The following PTPRM variants were observed in gnomAD, a reference collection of about 807,000 sequenced individuals.
PTPRM encodes the protein receptor-type tyrosine-protein phosphatase mu.
A neutral mutation model predicts 186.7 loss-of-function variants in PTPRM; 47 were observed. The observed-to-expected ratio is 0.25, with a 90% CI of 0.20 to 0.32. The LOEUF is 0.32. PTPRM is among the 10% of genes least tolerant of loss of function. The pLI is 1.00. For missense variants in PTPRM, 1,494 were observed against 1,865.0 expected (o/e 0.80, Z 3.66); for synonymous variants, 668 against 674.9 (o/e 0.99, Z 0.16).
chr18:8,063,656 G>T (rs889809666), intron 7 of PTPRM, among the ~76,000 whole-genome samples: 2 of 151,858 alleles, frequency 1.3e-5, no homozygotes, highest in African/African-American at 4.8e-5. Flanking sequence ...TGGATTTAGG[G>T]GTACAAGTAC....
At chr18:7,680,024 C>A (rs1486688135) in intron 1 of PTPRM, among the ~76,000 whole-genome samples, 6 of 152,030 alleles carry the variant, frequency 3.9e-5, no homozygotes, top group Non-Finnish European at 8.8e-5. Flanking sequence ...TGCCACCACA[C>A]CTGGCTAATG....
At position 8,379,172 on chromosome 18, in the gene PTPRM, A is replaced by G. The variant is rs138657062; in HGVS notation, c.3618A>G (p.Leu1206=). 6.6e-5 allele frequency: 106 copies of G among 1,600,404 alleles called. No homozygotes were observed. Among genetic ancestry groups the G allele is most frequent in the Non-Finnish European group, 8.6e-5 (101 of 1,173,016 alleles). The change falls in exon 28 of 33, where the codon CTA becomes CTG. Residue 1206 remains leucine, a synonymous_variant. Coordinates refer to ENST00000580170, the MANE Select transcript of PTPRM (RefSeq NM_001105244.2). ...SSQIKEEFRT[L]NMVTPTLRVE... is the part of the protein sequence containing the mutation. ...TCCTTTCTTTTCTCACGCAGACGCT[A>G]AACATGGTGACACCAACGCTGCGAG... is the stretch of plus-strand genomic sequence containing the variant.
chr18:7,692,949 G>C (rs888848240), intron 1 of PTPRM, among the ~76,000 whole-genome samples: 35 of 152,192 alleles, frequency 2.3e-4, no homozygotes, highest in African/African-American at 8.2e-4. Flanking sequence ...AGTTATGGAA[G>C]AATCTGAAAA....
At position 7,869,640 on chromosome 18, in the gene PTPRM, C is replaced by T. The variant is rs191520355; in HGVS notation, c.197-18466C>T. 2.5e-3 allele frequency among the ~76,000 whole-genome samples: 381 copies of T among 152,208 alleles called. 2 individuals carry two copies. Among genetic ancestry groups the T allele is most frequent in the Non-Finnish European group, 3.9e-3 (266 of 68,006 alleles). Reference sequence around the variant, plus strand: ...GCTGCAGACCGGAGTTGTTCCTGTTCGGCCATCTTGCCAGCCATCGATCAG... The same window carrying T: ...GCTGCAGACCGGAGTTGTTCCTGTTTGGCCATCTTGCCAGCCATCGATCAG... On this transcript the variant is annotated intron_variant, in intron 2 of 32. Coordinates refer to ENST00000580170, the MANE Select transcript of PTPRM (RefSeq NM_001105244.2).
intron 7 of PTPRM, among the ~76,000 whole-genome samples, chr18:8,043,349 C>T (rs1942952): frequency 0.34 from 51,546 of 151,918 alleles, 9,843 homozygotes; most frequent in Non-Finnish European, 0.43. Context: ...AACCTGAAGC[C>T]GCAGTTTTAG....
chr18:7,801,174 A>T (rs2043945353), intron 2 of PTPRM, among the ~76,000 whole-genome samples: 1 of 152,206 alleles, frequency 6.6e-6, no homozygotes, highest in African/African-American at 2.4e-5. Context: ...TTATAAATTT[A>T]TAATTTTTAA....
chr18:7,719,565 A>G (rs1330724892), intron 1 of PTPRM, among the ~76,000 whole-genome samples: 1 of 152,206 alleles, frequency 6.6e-6, no homozygotes, highest in African/African-American at 2.4e-5. Context: ...AAAATAAAAA[A>G]CACACTTAAT....
At chr18:8,313,410 AAGG>A (rs2148020170) in intron 20 of PTPRM, among the ~76,000 whole-genome samples, 1 of 152,298 alleles carries the variant, frequency 6.6e-6, no homozygotes, top group African/African-American at 2.4e-5. Context: ...ATACTTTTTA[AAGG>A]ACATATATTT....
At chr18:7,978,819 A>G (rs1160507692) in intron 7 of PTPRM, among the ~76,000 whole-genome samples, 1 of 152,202 alleles carries the variant, frequency 6.6e-6, no homozygotes, top group Non-Finnish European at 1.5e-5. Flanking sequence ...TGAGCACGTG[A>G]CAGAGTATTC....
At chr18:7,609,071 C>A (rs894668738) in intron 1 of PTPRM, among the ~76,000 whole-genome samples, 10 of 152,148 alleles carry the variant, frequency 6.6e-5, no homozygotes, top group African/African-American at 2.4e-4. Flanking sequence ...TATGTTTGTG[C>A]TATTATTAAA....
In PTPRM at chr18:8,306,236, C is replaced by T. The variant is rs539255692; in HGVS notation, c.2843-8545C>T. Among the ~76,000 whole-genome samples, 47 of 152,218 alleles carry T rather than the reference C, an allele frequency of 3.1e-4. No homozygotes were observed. The South Asian group carries it at 5.6e-3, about 18-fold the overall frequency. ...AAGGGGAACTAACTGTACTGTGTTCCAGGCACCTGATAATACTATGCATTA... is the reference window on the plus strand; with the variant it reads ...AAGGGGAACTAACTGTACTGTGTTCTAGGCACCTGATAATACTATGCATTA... On this transcript the variant is annotated intron_variant, in intron 20 of 32. Coordinates refer to ENST00000580170, the MANE Select transcript of PTPRM (RefSeq NM_001105244.2).
intron 1 of PTPRM, among the ~76,000 whole-genome samples, chr18:7,731,516 C>A (rs1414020999): frequency 6.6e-6 from 1 of 152,146 alleles, no homozygotes; most frequent in East Asian, 1.9e-4. Context: ...CTTTAGTTTG[C>A]AGCTAAGGAA....
At chr18:8,072,767 G>A (rs1353758766) in intron 8 of PTPRM, among the ~76,000 whole-genome samples, 3 of 151,938 alleles carry the variant, frequency 2.0e-5, no homozygotes, top group Non-Finnish European at 4.4e-5. Flanking sequence ...TACAGCCCAG[G>A]GATAAGTTGT....
intron 2 of PTPRM, among the ~76,000 whole-genome samples, chr18:7,843,432 A>G (rs1453345701): frequency 6.6e-6 from 1 of 152,150 alleles, no homozygotes; most frequent in East Asian, 1.9e-4. Flanking sequence ...AATTGCCCTT[A>G]TAGATAGTTT....
At chr18:7,913,694 T>C (rs1331872359) in intron 4 of PTPRM, among the ~76,000 whole-genome samples, 6 of 152,206 alleles carry the variant, frequency 3.9e-5, no homozygotes, top group Non-Finnish European at 7.4e-5. Context: ...TCTTTTTTAA[T>C]ATGTTGGCAT....
rs1018623466 is a variant in PTPRM at position 8,346,250 on chromosome 18, C to G, written c.3054+2730C>G. 4.6e-5 allele frequency among the ~76,000 whole-genome samples: 7 copies of G among 152,282 alleles called. No homozygotes were observed. The East Asian group carries it at 1.2e-3, about 25-fold the overall frequency. ...TGTCCACCTGGTTGGGCTGCCATAA[C>G]CAAATGCCACAAGCCAGGAGGCTTA... On this transcript the variant is annotated intron_variant, in intron 23 of 32. Coordinates refer to ENST00000580170, the MANE Select transcript of PTPRM (RefSeq NM_001105244.2).
chr18:8,343,853 C>A (rs2095488817), intron 23 of PTPRM, among the ~76,000 whole-genome samples: 1 of 66,008 alleles, frequency 1.5e-5, no homozygotes, highest in African/African-American at 3.6e-5. Flanking sequence ...GACATGACTA[C>A]CTTCCCAAAC....
At chr18:8,383,406 G>T (rs113155546) in intron 29 of PTPRM, among the ~76,000 whole-genome samples, 6 of 148,328 alleles carry the variant, frequency 4.0e-5, no homozygotes, top group Non-Finnish European at 5.9e-5. Flanking sequence ...TTAAATGCCT[G>T]TTAAGGTTTC....
rs117709630 is a variant in PTPRM at position 7,851,018 on chromosome 18, A to G, written c.197-37088A>G. On this transcript the variant is annotated intron_variant, in intron 2 of 32. Transcript: ENST00000580170. ...TGAATGACAAATGGAATAATTTCATAGAGAACTAATTCTGTTAAAAAGTGA... is the reference window on the plus strand; with the variant it reads ...TGAATGACAAATGGAATAATTTCATGGAGAACTAATTCTGTTAAAAAGTGA... 1.8e-4 allele frequency among the ~76,000 whole-genome samples: 27 copies of G among 152,354 alleles called. No homozygotes were observed. The East Asian group carries it at 4.4e-3, about 25-fold the overall frequency.
Sources: allele counts gnomAD v4.1 joint callset (sites outside exome capture counted in the v4.1 genomes callset), GRCh38; gene constraint gnomAD v4.1.1; transcripts MANE v1.5; gene names NCBI Gene and HGNC (gene_info 2026-07-23, HGNC 2026-07-21).